Variants in TEX9 observed in about 807,000 individuals in gnomAD.
TEX9 encodes testis expressed 9, also known as testis-expressed protein 9.
Under a neutral mutation model 59.6 loss-of-function variants are expected in TEX9, and 74 were observed. The ratio of observed to expected loss-of-function variants is 1.24; its 90% confidence interval spans 1.03 to 1.51. The LOEUF (loss-of-function observed/expected upper bound fraction) is 1.51. Ranked by LOEUF, TEX9 falls within the 40% of genes most tolerant of loss-of-function variation. The pLI, the probability that TEX9 is intolerant of heterozygous loss-of-function variation, is 0.00. For synonymous variants in TEX9, 186 were observed against 152.2 expected (o/e 1.22, Z -1.64); for missense variants, 522 against 447.8 (o/e 1.17, Z -1.49).
chr15:56,423,563 A>G (rs2050091330), intron 10 of TEX9, among the ~76,000 whole-genome samples: 2 of 152,150 alleles, frequency 1.3e-5, no homozygotes, highest in Admixed American at 6.6e-5. Flanking sequence ...CACTTAAAAT[A>G]TACAAATAAG....
chr15:56,454,828 T>G, the TEX9 span, among the ~76,000 whole-genome samples: 1 of 152,190 alleles, frequency 6.6e-6, no homozygotes. Context: ...TCTCCATGCT[T>G]TATTCTGAAT....
At chr15:56,443,147 T>C (rs1306408479) in intron 12 of TEX9, among the ~76,000 whole-genome samples, 2 of 152,214 alleles carry the variant, frequency 1.3e-5, no homozygotes, top group Non-Finnish European at 2.9e-5. Context: ...GTATGTTACG[T>C]ATCTTTCACC....
At chr15:56,250,327 G>A (rs938256273) in intron 1 of TEX9, among the ~76,000 whole-genome samples, 2 of 152,202 alleles carry the variant, frequency 1.3e-5, no homozygotes, top group African/African-American at 4.8e-5. Flanking sequence ...GTTAAAAGTG[G>A]CGTGGAGGAC....
At chr15:56,273,158 C>T (rs1468699811) in intron 1 of TEX9, among the ~76,000 whole-genome samples, 1 of 152,014 alleles carries the variant, frequency 6.6e-6, no homozygotes, top group African/African-American at 2.4e-5. Flanking sequence ...TTTCACCATA[C>T]TGGCCAGGCT....
intron 3 of TEX9, among the ~76,000 whole-genome samples, chr15:56,379,566 T>C (rs1466578748): frequency 1.3e-5 from 2 of 152,242 alleles, no homozygotes; most frequent in Non-Finnish European, 2.9e-5. Flanking sequence ...GTCCACTTGT[T>C]CTGCAGTGCA....
At chr15:56,330,038 A>T (rs2141757640) in intron 1 of TEX9, among the ~76,000 whole-genome samples, 1 of 139,282 alleles carries the variant, frequency 7.2e-6, no homozygotes, top group Non-Finnish European at 1.6e-5. Context: ...AAAGAAAAAA[A>T]ACAAACAAAC....
intron 1 of TEX9, among the ~76,000 whole-genome samples, chr15:56,279,540 G>A (rs1207698931): frequency 6.6e-6 from 1 of 152,042 alleles, no homozygotes; most frequent in African/African-American, 2.4e-5. Flanking sequence ...TGTCCTACAG[G>A]GGAAGAAAAC....
chr15:56,427,813 T>A, intron 11 of TEX9, 74 bp downstream of exon 11: 3 of 1,212,536 alleles, frequency 2.5e-6, no homozygotes, highest in Non-Finnish European at 3.3e-6. Flanking sequence ...ATTTTTCACT[T>A]TAGGTATGTT....
intron 3 of TEX9, among the ~76,000 whole-genome samples, chr15:56,375,834 A>G (rs1232639046): frequency 2.6e-5 from 4 of 151,372 alleles, no homozygotes; most frequent in African/African-American, 9.7e-5. Flanking sequence ...ATGTCCAACA[A>G]TGATAGACTG....
At chr15:56,384,859 G>A (rs2047892347) in intron 4 of TEX9, among the ~76,000 whole-genome samples, 1 of 152,152 alleles carries the variant, frequency 6.6e-6, no homozygotes, top group Non-Finnish European at 1.5e-5. Context: ...AGTATGTCCT[G>A]TTAAAGAGAC....
intron 1 of TEX9, among the ~76,000 whole-genome samples, chr15:56,261,525 C>G (rs2044266002): frequency 6.6e-6 from 1 of 152,156 alleles, no homozygotes; most frequent in South Asian, 2.1e-4. Context: ...CGAGACCAGC[C>G]TGACCAACAT....
intron 12 of TEX9, among the ~76,000 whole-genome samples, chr15:56,436,884 C>T (rs1409457006): frequency 6.6e-6 from 1 of 152,006 alleles, no homozygotes; most frequent in Non-Finnish European, 1.5e-5. Context: ...ACACATACAC[C>T]CTCCCAAGAC....
intron 1 of TEX9, among the ~76,000 whole-genome samples, chr15:56,331,270 C>T (rs79557029): frequency 0.044 from 6,693 of 152,286 alleles, 223 homozygotes; most frequent in Admixed American, 0.086. Flanking sequence ...AGCAAGGAAA[C>T]ATCAGACTTA....
At chr15:56,367,793 A>G (rs552808429) in intron 2 of TEX9, among the ~76,000 whole-genome samples, 1 of 152,290 alleles carries the variant, frequency 6.6e-6, no homozygotes, top group African/African-American at 2.4e-5. Context: ...AATAGTTGCT[A>G]TATAATAAGT....
At chr15:56,390,949 G>GCCTT (rs1243516900) in intron 6 of TEX9, among the ~76,000 whole-genome samples, 14 of 152,008 alleles carry the variant, frequency 9.2e-5, no homozygotes, top group Admixed American at 8.5e-4. Flanking sequence ...GCCTCATAAA[G>GCCTT]CCTTCTCTAG....
the TEX9 span, among the ~76,000 whole-genome samples, chr15:56,459,350 T>C: frequency 1.3e-5 from 2 of 152,336 alleles, no homozygotes; most frequent in Admixed American, 1.3e-4. Flanking sequence ...ATTTTGTTTA[T>C]CCATTTATCA....
chr15:56,275,751 A>G (rs2044652322), intron 1 of TEX9, among the ~76,000 whole-genome samples: 1 of 151,996 alleles, frequency 6.6e-6, no homozygotes, highest in South Asian at 2.1e-4. Context: ...AACTTTTCTG[A>G]ACTGTACTTT....
At chr15:56,266,136 T>C (rs2044376150) in intron 1 of TEX9, among the ~76,000 whole-genome samples, 1 of 150,626 alleles carries the variant, frequency 6.6e-6, no homozygotes, top group Non-Finnish European at 1.5e-5. Flanking sequence ...ATTTCTCTCT[T>C]TTTTTTTTGA....
At chr15:56,290,636 A>G (rs1208963586) in intron 1 of TEX9, among the ~76,000 whole-genome samples, 1 of 152,048 alleles carries the variant, frequency 6.6e-6, no homozygotes, top group African/African-American at 2.4e-5. Context: ...TTTAATGTTT[A>G]TAGAGGTGGG....
Sources: gnomAD v4.1 joint callset for allele counts (sites outside exome capture counted in the v4.1 genomes callset) on GRCh38, gnomAD v4.1.1 for gene constraint, MANE v1.5 for transcripts, NCBI Gene and HGNC (gene_info 2026-07-23, HGNC 2026-07-21) for gene names.